ANK1: variants seen among roughly 807,000 people sequenced by gnomAD.
ANK1 encodes ankyrin 1, also known as ankyrin-1.
A neutral mutation model predicts 210.4 loss-of-function variants in ANK1; 51 were observed. The observed-to-expected ratio is 0.24, with a 90% CI of 0.19 to 0.31. The LOEUF (loss-of-function observed/expected upper bound fraction) is 0.31, where lower values mean the gene tolerates loss of function less well. ANK1 is among the 10% of genes least tolerant of loss of function. The pLI is 1.00. For synonymous variants in ANK1, 967 were observed against 1,025.9 expected (o/e 0.94, Z 1.10); for missense variants, 2,051 against 2,504.4 (o/e 0.82, Z 3.86).
chr8:41,787,338 A>G (rs1198202417), intron 1 of ANK1, among the ~76,000 whole-genome samples: 2 of 152,186 alleles, frequency 1.3e-5, no homozygotes, highest in African/African-American at 4.8e-5. Context: ...AGCCTCCCCT[A>G]CCTATGGCTT....
At chr8:41,721,870 C>T (rs1829370964) in intron 9 of ANK1, among the ~76,000 whole-genome samples, 1 of 152,082 alleles carries the variant, frequency 6.6e-6, no homozygotes, top group East Asian at 1.9e-4. Flanking sequence ...GTCACATATT[C>T]TCAGTAAGGA....
At chr8:41,803,191 G>A (rs1260688472) in intron 1 of ANK1, among the ~76,000 whole-genome samples, 8 of 150,188 alleles carry the variant, frequency 5.3e-5, no homozygotes, top group African/African-American at 2.0e-4. Context: ...GAGAGAGAGA[G>A]AGAAAAAAAA....
At chr8:41,682,412 C>T (rs186750544) in intron 37 of ANK1, among the ~76,000 whole-genome samples, 8 of 152,372 alleles carry the variant, frequency 5.3e-5, no homozygotes, top group East Asian at 3.9e-4. Flanking sequence ...CAATTCCCCG[C>T]GTGGCTCTCC....
intron 1 of ANK1, among the ~76,000 whole-genome samples, chr8:41,836,749 T>TA (rs1030372889): frequency 1.1e-4 from 17 of 149,924 alleles, no homozygotes; most frequent in Middle Eastern, 3.4e-3. Flanking sequence ...CCTGTCTCTA[T>TA]AAAAAAAAAA....
Position 41,723,089 on chromosome 8 carries a change from T to C in ANK1, c.909+36A>G, listed in dbSNP as rs7826127. The C allele has an allele frequency of 0.35, 555,374 of 1,595,288 alleles. 99,298 individuals carry two copies. The highest frequency in any genetic ancestry group is 0.5 in the African/African-American group (37,379 of 74,554). Reference sequence around the variant, plus strand: ...CAGGTCTGTTGGACCTGGAGCCCTGTCTAGAAAATGCGCCTGACAGGAAGG... The same window carrying C: ...CAGGTCTGTTGGACCTGGAGCCCTGCCTAGAAAATGCGCCTGACAGGAAGG... On this transcript the variant is annotated intron_variant, in intron 9 of 42. Transcript: ENST00000289734.
At chr8:41,678,134 T>TC (rs1563389978) in intron 37 of ANK1, among the ~76,000 whole-genome samples, 1 of 152,076 alleles carries the variant, frequency 6.6e-6, no homozygotes, top group Non-Finnish European at 1.5e-5. Context: ...TGTCCATATT[T>TC]CTTTTTTTTT....
At chr8:41,819,807 C>T (rs984142771) in intron 1 of ANK1, among the ~76,000 whole-genome samples, 3 of 152,198 alleles carry the variant, frequency 2.0e-5, no homozygotes, top group South Asian at 2.1e-4. Context: ...TCTCACTGAT[C>T]AAAAATACAG....
intron 1 of ANK1, among the ~76,000 whole-genome samples, chr8:41,891,448 G>A (rs571412984): frequency 2.8e-4 from 42 of 152,298 alleles, no homozygotes; most frequent in African/African-American, 8.2e-4. Flanking sequence ...AGCTGCTGCT[G>A]CACCTGCTCT....
intron 20 of ANK1, 60 bp downstream of exon 20, chr8:41,703,981 C>T: frequency 6.7e-7 from 1 of 1,498,696 alleles, no homozygotes; most frequent in Non-Finnish European, 9.3e-7. Context: ...TAGGGGAGTT[C>T]ACACAGGGCT....
intron 38 of ANK1, among the ~76,000 whole-genome samples, chr8:41,669,600 C>CCTTGCAGTGGGCAGGT (rs1465593221): frequency 6.6e-6 from 1 of 152,186 alleles, no homozygotes; most frequent in African/African-American, 2.4e-5. Flanking sequence ...CTGCTGCCAT[C>CCTTGCAGTGGGCAGGT]CCTGGTATCT....
intron 1 of ANK1, among the ~76,000 whole-genome samples, chr8:41,782,943 C>T (rs538583974): frequency 2.0e-5 from 3 of 152,138 alleles, no homozygotes; most frequent in South Asian, 2.1e-4. Context: ...AATATCCACA[C>T]TGAAAAAAAG....
intron 1 of ANK1, among the ~76,000 whole-genome samples, chr8:41,892,621 C>T (rs909478378): frequency 1.3e-5 from 2 of 152,156 alleles, no homozygotes; most frequent in Admixed American, 6.5e-5. Context: ...TAGATGGTTC[C>T]ACTGCCTCCC....
intron 16 of ANK1, among the ~76,000 whole-genome samples, chr8:41,712,928 C>T (rs936579887): frequency 1.3e-5 from 2 of 152,154 alleles, no homozygotes; most frequent in African/African-American, 2.4e-5. Context: ...GCAGCGGGGC[C>T]GTGTGCTCCC....
chr8:41,887,459 G>A (rs942848740), intron 1 of ANK1, among the ~76,000 whole-genome samples: 8 of 152,004 alleles, frequency 5.3e-5, no homozygotes, highest in Non-Finnish European at 1.0e-4. Context: ...GGGTCTTGCT[G>A]TGTTGCCCAG....
chr8:41,792,505 T>C (rs1401338289), intron 1 of ANK1, among the ~76,000 whole-genome samples: 4 of 152,208 alleles, frequency 2.6e-5, no homozygotes, highest in Non-Finnish European at 1.5e-5. Context: ...ATTAATTCAC[T>C]TAACAAATCT....
At chr8:41,804,106 G>A (rs1226459693) in intron 1 of ANK1, among the ~76,000 whole-genome samples, 3 of 152,200 alleles carry the variant, frequency 2.0e-5, no homozygotes, top group Middle Eastern at 3.2e-3. Context: ...CTGGCACAGT[G>A]TCTCTCAGGA....
chr8:41,686,958 C>A (rs1439396356), intron 35 of ANK1, among the ~76,000 whole-genome samples: 2 of 152,124 alleles, frequency 1.3e-5, no homozygotes, highest in African/African-American at 2.4e-5. Flanking sequence ...CACGCACATA[C>A]AACACAAACG....
Position 41,717,103 on chromosome 8 carries a change from C to T in ANK1, c.1306-52G>A, listed in dbSNP as rs112652217. On this transcript the variant is annotated intron_variant, in intron 12 of 42. Transcript: ENST00000289734. ...GTTCATACATGCCTGCTGTCCAAAA[C>T]GGCACACACAGAGCTAGGAAGTGCA... 4.1e-5 allele frequency: 65 copies of T among 1,593,834 alleles called. 2 individuals are homozygous for T. In the African/African-American group the frequency reaches 5.1e-4, roughly 12 times the overall value.
At chr8:41,890,828 T>C (rs777750438) in intron 1 of ANK1, among the ~76,000 whole-genome samples, 1 of 151,892 alleles carries the variant, frequency 6.6e-6, no homozygotes, top group African/African-American at 2.4e-5. Context: ...TTGGTACCAA[T>C]TCTTTAGGGC....
Sources: allele counts gnomAD v4.1 joint callset (sites outside exome capture counted in the v4.1 genomes callset), GRCh38; gene constraint gnomAD v4.1.1; transcripts MANE v1.5; gene names NCBI Gene and HGNC (gene_info 2026-07-23, HGNC 2026-07-21).